The following FER variants were observed in gnomAD, a reference collection of about 807,000 sequenced individuals.
FER encodes the protein tyrosine-protein kinase Fer.
A neutral mutation model predicts 111.0 loss-of-function variants in FER; 63 were observed. The observed-to-expected ratio is 0.57, with a 90% CI of 0.46 to 0.70. The LOEUF (loss-of-function observed/expected upper bound fraction) is 0.70. FER is among the 30% of genes least tolerant of loss of function. FER has a pLI of 0.00. For missense variants in FER, 914 were observed against 954.0 expected, an observed-to-expected ratio of 0.96 and a Z score of 0.55; for synonymous variants, 327 against 313.9, an observed-to-expected ratio of 1.04 and a Z score of -0.44.
intron 3 of FER, among the ~76,000 whole-genome samples, chr5:108,803,106 C>A (rs2150057265): frequency 6.6e-6 from 1 of 152,206 alleles, no homozygotes; most frequent in African/African-American, 2.4e-5. Flanking sequence ...TGACGTTGAG[C>A]ATTTTATCAT....
chr5:109,163,435 T>G (rs1756210296), intron 17 of FER, among the ~76,000 whole-genome samples: 1 of 152,104 alleles, frequency 6.6e-6, no homozygotes. Flanking sequence ...GGAAAAAAAT[T>G]ACATTTAGCT....
intron 13 of FER, among the ~76,000 whole-genome samples, chr5:108,993,370 C>G (rs1334513743): frequency 2.6e-5 from 4 of 152,310 alleles, no homozygotes; most frequent in African/African-American, 7.2e-5. Context: ...AACCCCGTCT[C>G]CACCAAAAAA....
chr5:109,094,173 CTT>C (rs199951464), intron 16 of FER, among the ~76,000 whole-genome samples: 38 of 143,520 alleles, frequency 2.6e-4, no homozygotes, highest in African/African-American at 7.2e-4. Context: ...ACCTTTCCAG[CTT>C]TTTTTTTTTT....
chr5:108,876,383 C>T (rs1765090691), intron 8 of FER, among the ~76,000 whole-genome samples: 1 of 152,162 alleles, frequency 6.6e-6, no homozygotes, highest in Non-Finnish European at 1.5e-5. Flanking sequence ...GTGACAGAGA[C>T]CATATGTGGC....
chr5:109,167,988 A>G, intron 17 of FER, among the ~76,000 whole-genome samples: 1 of 152,016 alleles, frequency 6.6e-6, no homozygotes, highest in East Asian at 1.9e-4. Context: ...GCAAGAGATG[A>G]CACTGTCTCT....
At chr5:108,835,908 C>A in intron 5 of FER, 101 bp downstream of exon 5, 1 of 616,770 alleles carries the variant, frequency 1.6e-6, no homozygotes, top group Non-Finnish European at 2.7e-6. Context: ...TAGAGCATTT[C>A]ACATATAAAA....
intron 16 of FER, among the ~76,000 whole-genome samples, chr5:109,055,601 G>A (rs538376307): frequency 3.3e-5 from 5 of 151,878 alleles, no homozygotes; most frequent in Admixed American, 2.0e-4. Context: ...CCTGGGCAAC[G>A]TAGTGAGATC....
intron 11 of FER, among the ~76,000 whole-genome samples, chr5:108,949,625 T>C (rs1191762650): frequency 6.6e-6 from 1 of 152,124 alleles, no homozygotes; most frequent in African/African-American, 2.4e-5. Flanking sequence ...ACAGAGATCA[T>C]GTCAGACTGA....
Position 108,891,442 on chromosome 5 carries a change from G to A in FER, c.1047-6217G>A, listed in dbSNP as rs565325062. The A allele has an allele frequency of 3.3e-5, 5 of 151,874 alleles. No homozygotes were observed. In the South Asian group the frequency reaches 1.0e-3, roughly 32 times the overall value. 9.4% of individuals were successfully genotyped at this position (151,874 alleles called of 1,614,324 possible). A position where few individuals can be genotyped will look rare whatever the true frequency, so the allele number is the denominator to read the frequency against. On this transcript the variant is annotated intron_variant, in intron 9 of 19. Transcript: ENST00000281092. ...TTTTAAAGAAGTCCATTTTAGGCTG[G>A]TCCGAAGAGTGGATAACTCAATTGA...
intron 13 of FER, among the ~76,000 whole-genome samples, chr5:108,989,868 A>T (rs1308613574): frequency 6.6e-6 from 1 of 151,980 alleles, no homozygotes; most frequent in East Asian, 1.9e-4. Flanking sequence ...TAATGCATTT[A>T]TTTTAATTTG....
At chr5:108,852,498 G>T (rs895054229) in intron 5 of FER, among the ~76,000 whole-genome samples, 4 of 151,964 alleles carry the variant, frequency 2.6e-5, no homozygotes, top group Admixed American at 2.6e-4. Context: ...ATATTTTGGC[G>T]ATATTTAAAT....
intron 17 of FER, among the ~76,000 whole-genome samples, chr5:109,124,584 AG>A (rs1751423150): frequency 1.7e-5 from 2 of 120,036 alleles, no homozygotes; most frequent in African/African-American, 8.3e-5. Flanking sequence ...ATTTTTTAAT[AG>A]TTTTGTTGTT....
rs116661293 is a variant in FER, at chr5:109,109,888, C to T, written c.2048+9369C>T. 6.6e-3 allele frequency among the ~76,000 whole-genome samples: 1,003 copies of T among 152,204 alleles called. 16 individuals are homozygous for T. The highest frequency in any genetic ancestry group is 0.023 in the African/African-American group (961 of 41,532). On this transcript the variant is annotated intron_variant, in intron 17 of 19. Transcript: ENST00000281092. ...TGCTCATTTTCTTGCTAATTATACT[C>T]CCATTCAGGGTGTACTTATACATCT...
rs761601214 is a variant in FER, at chr5:108,872,213, G to A, written c.923+1G>A. On this transcript the variant is annotated splice_donor_variant, in intron 8 of 19. Transcript: ENST00000281092. LOFTEE classifies it high-confidence loss of function. The stretch of plus-strand genomic sequence containing the variant: ...TAACAGCAGAAAGTTTGCAAGTAAT[G>A]TAAGTATTCACAAAATATCAACAGT... The A allele has an allele frequency of 6.2e-7, 1 of 1,600,090 alleles. No individual in the cohort carries two copies. The highest frequency in any genetic ancestry group is 8.5e-7 in the Non-Finnish European group (1 of 1,174,716).
At chr5:108,794,660 A>T (rs1224818123) in intron 2 of FER, among the ~76,000 whole-genome samples, 2 of 151,026 alleles carry the variant, frequency 1.3e-5, no homozygotes, top group African/African-American at 4.9e-5. Context: ...CAGATATGCT[A>T]TTCTAGGGTA....
intron 10 of FER, among the ~76,000 whole-genome samples, chr5:108,919,872 C>T (rs1752799003): frequency 6.6e-6 from 1 of 152,148 alleles, no homozygotes; most frequent in Non-Finnish European, 1.5e-5. Context: ...AATCACATAA[C>T]CTCTCTGAGA....
At chr5:108,972,954 A>AATGTTTT (rs1188264748) in intron 13 of FER, among the ~76,000 whole-genome samples, 1 of 152,108 alleles carries the variant, frequency 6.6e-6, no homozygotes, top group African/African-American at 2.4e-5. Context: ...AAACTTCATA[A>AATGTTTT]ATGTTTTTGA....
intron 10 of FER, among the ~76,000 whole-genome samples, chr5:108,927,250 C>CTTTTTTTTTTTTTTTTTTTT (rs773963733): frequency 6.3e-5 from 6 of 95,372 alleles, no homozygotes; most frequent in African/African-American, 3.0e-4. Context: ...TGAGAAGTGG[C>CTTTTTTTTTTTTTTTTTTTT]TCTTTTTTTT....
At chr5:108,815,333 C>T (rs184091175) in intron 3 of FER, among the ~76,000 whole-genome samples, 1 of 151,898 alleles carries the variant, frequency 6.6e-6, no homozygotes, top group Admixed American at 6.5e-5. Context: ...CTAGAAATTT[C>T]CTCTGTGGAT....
Sources: gnomAD v4.1 joint callset for allele counts (sites outside exome capture counted in the v4.1 genomes callset) on GRCh38, gnomAD v4.1.1 for gene constraint, MANE v1.5 for transcripts, NCBI Gene and HGNC (gene_info 2026-07-23, HGNC 2026-07-21) for gene names.